Variants in SKOR2 observed in about 807,000 individuals in gnomAD.
SKOR2 encodes SKI family transcriptional corepressor 2.
A neutral mutation model predicts 69.1 loss-of-function variants in SKOR2; 47 were observed. That is an observed-to-expected ratio of 0.68 (90% CI 0.54 to 0.87). The LOEUF is 0.87. Ranked by LOEUF, SKOR2 falls within the 40% of genes least tolerant of loss-of-function variation. The pLI is 0.00. For synonymous variants in SKOR2, 717 were observed against 672.6 expected, an observed-to-expected ratio of 1.07 and a Z score of -1.02; for missense variants, 1,404 against 1,472.2, an observed-to-expected ratio of 0.95 and a Z score of 0.76.
intron 4 of SKOR2, among the ~76,000 whole-genome samples, chr18:47,239,651 A>AT (rs2064240355): frequency 6.6e-6 from 1 of 152,062 alleles, no homozygotes; most frequent in Non-Finnish European, 1.5e-5. Context: ...TTTCCTGGAC[A>AT]TTTTTTCATT....
At chr18:47,224,208 T>C (rs764260355) in intron 6 of SKOR2, among the ~76,000 whole-genome samples, 3 of 152,112 alleles carry the variant, frequency 2.0e-5, no homozygotes, top group African/African-American at 4.8e-5. Context: ...CGCCCGACCA[T>C]ATTTTTTCTA....
chr18:47,239,291 A>G (rs376965378), intron 4 of SKOR2, among the ~76,000 whole-genome samples: 360 of 152,138 alleles, frequency 2.4e-3, no homozygotes, highest in African/African-American at 3.2e-3. Flanking sequence ...TAAATTCTAC[A>G]TTGAATGACT....
intron 7 of SKOR2, among the ~76,000 whole-genome samples, chr18:47,217,095 A>G (rs2064146344): frequency 2.0e-5 from 3 of 152,210 alleles, no homozygotes; most frequent in South Asian, 2.1e-4. Flanking sequence ...TGCAGCCTCA[A>G]TTCTAAAGCA....
Position 47,249,153 on chromosome 18 carries a change from C to T in SKOR2, c.31G>A (p.Asp11Asn), listed in dbSNP as rs1398996754. ...CTCGACGGCGACGCCAGCAGGATGT[C>T]GTTGGGCCCTGGCAGCGGACTGGAA... MASSPLPGPN[D>N]ILLASPSSAF... Residue 11 changes from aspartate (D) to asparagine (N), a missense_variant, in exon 2 of 9, where the codon GAC (aspartate) becomes AAC (asparagine). By Grantham distance (23) the Asp-to-Asn change is conservative. This residue lies in a region of SKOR2 where 104 missense variants were observed against 95.7 expected (regional missense o/e 1.09). Transcript: ENST00000425639. The T allele has an allele frequency of 3.9e-6, 6 of 1,535,374 alleles. No individual in the cohort carries two copies. The highest frequency in any genetic ancestry group is 5.2e-6 in the Non-Finnish European group (6 of 1,146,554).
Position 47,247,425 on chromosome 18 carries a change from C to A in SKOR2, c.1759G>T (p.Ala587Ser). ...GCGGGGCCAGACCCGGCGGCCGCGG[C>A]CCCTGCCCCGGCAGCTGCCACAGAG... ...ADSVAAAGAG[A>S]AAAGSGPAGS... is the part of the protein sequence containing the mutation. Residue 587 changes from alanine (A) to serine (S), a missense_variant, in exon 2 of 9, where the codon GCC becomes TCC. Around this residue, in one of 3 missense-constraint regions of SKOR2, gnomAD observed 1,266 missense variants for 1,309.9 expected, o/e 0.97. Transcript: ENST00000425639. The surrounding 1 kb of genome is among the most constrained non-coding windows in gnomAD (Gnocchi z 6.6). The A allele has an allele frequency of 7.8e-7, 1 of 1,288,024 alleles. No individual in the cohort carries two copies. The highest frequency in any genetic ancestry group is 9.8e-7 in the Non-Finnish European group (1 of 1,020,158). The allele number at this position is 1,288,024 out of a possible 1,614,324, so 79.8% of individuals were successfully genotyped here. A position where few individuals can be genotyped will look rare whatever the true frequency, so the allele number is the denominator to read the frequency against.
chr18:47,213,175 C>G (rs1220365421), intron 7 of SKOR2, among the ~76,000 whole-genome samples: 1 of 151,804 alleles, frequency 6.6e-6, no homozygotes, highest in Admixed American at 6.6e-5. Context: ...TCCACTAACC[C>G]CCGTTAAGGT....
chr18:47,238,766 G>C (rs2064236484), intron 4 of SKOR2, among the ~76,000 whole-genome samples: 1 of 152,234 alleles, frequency 6.6e-6, no homozygotes, highest in South Asian at 2.1e-4. Flanking sequence ...TCATGTGCTA[G>C]CTGTGTCTGT....
chr18:47,215,532 G>A (rs1488261057), intron 7 of SKOR2, among the ~76,000 whole-genome samples: 1 of 152,078 alleles, frequency 6.6e-6, no homozygotes, highest in Non-Finnish European at 1.5e-5. Context: ...CAAAGATAAC[G>A]ACCTCTCACT....
At chr18:47,214,102 T>G (rs571023012) in intron 7 of SKOR2, among the ~76,000 whole-genome samples, 36 of 152,318 alleles carry the variant, frequency 2.4e-4, no homozygotes, top group African/African-American at 8.2e-4. Context: ...CACAAAGGTT[T>G]AGCCAGTGTC....
intron 5 of SKOR2, 100 bp from the exon 6 acceptor site, chr18:47,230,657 C>A: frequency 1.2e-6 from 1 of 824,782 alleles, no homozygotes; most frequent in Non-Finnish European, 1.7e-6. Flanking sequence ...AAATATTTTA[C>A]CAGTTTAAAA....
At chr18:47,232,984 G>C (rs2064205848) in intron 4 of SKOR2, among the ~76,000 whole-genome samples, 1 of 152,110 alleles carries the variant, frequency 6.6e-6, no homozygotes, top group African/African-American at 2.4e-5. Context: ...TTTTCAACAT[G>C]ATATTATCAA....
At chr18:47,240,888 C>G (rs2064245559) in intron 4 of SKOR2, among the ~76,000 whole-genome samples, 1 of 152,180 alleles carries the variant, frequency 6.6e-6, no homozygotes, top group Non-Finnish European at 1.5e-5. Flanking sequence ...ACCGACTTAT[C>G]AGGCAGTTTG....
At position 47,230,495 on chromosome 18, in the gene SKOR2, G is replaced by T; in HGVS notation, c.2881C>A (p.Gln961Lys). The T allele has an allele frequency of 6.9e-7, 1 of 1,450,222 alleles. No individual in the cohort carries two copies. Among genetic ancestry groups the T allele is most frequent in the Admixed American group, 2.7e-5 (1 of 36,808 alleles). The allele number at this position is 1,450,222 out of a possible 1,614,324, so 89.8% of individuals were successfully genotyped here. The change falls in exon 6 of 9, where the codon CAG becomes AAG. Residue 961 changes from glutamine to lysine, a missense_variant. Transcript: ENST00000425639. Reference protein sequence around the residue: ...DLRRRLEQEFQVLKGNTSFPV... With the variant: ...DLRRRLEQEFKVLKGNTSFPV... ...AAAGATGTGTTTCCTTTTAACACCT[G>T]GAATTCTTGTTCCAGTCGTCTCCGT... is the stretch of plus-strand genomic sequence containing the variant.
intron 6 of SKOR2, among the ~76,000 whole-genome samples, 164 bp downstream of exon 6, chr18:47,230,295 T>A (rs1451441910): frequency 6.6e-6 from 1 of 152,126 alleles, no homozygotes; most frequent in Non-Finnish European, 1.5e-5. Context: ...TGTGAGTCAA[T>A]TCAAAGCCTA....
At chr18:47,216,547 G>C (rs2064144525) in intron 7 of SKOR2, among the ~76,000 whole-genome samples, 1 of 152,036 alleles carries the variant, frequency 6.6e-6, no homozygotes, top group African/African-American at 2.4e-5. Flanking sequence ...TTTAACACGG[G>C]AAAAAGAAGC....
In SKOR2 at chr18:47,247,472, G is replaced by A. The variant is rs952896426; in HGVS notation, c.1712C>T (p.Ala571Val). Residue 571 changes from alanine (A) to valine (V), a missense_variant, in exon 2 of 9, where the codon GCG becomes GTG. By Grantham distance (64) the Ala-to-Val change is moderately conservative (BLOSUM62 0). Around this residue, in one of 3 missense-constraint regions of SKOR2, gnomAD observed 1,266 missense variants for 1,309.9 expected, o/e 0.97. Coordinates refer to ENST00000425639, the MANE Select transcript of SKOR2 (RefSeq NM_001278063.4). The surrounding 1 kb of genome is among the most constrained non-coding windows in gnomAD (Gnocchi z 6.6). The part of the protein sequence containing the change: ...PPGGSGGDCS[A>V]GSTPPADSVA... ...AGAGTCCGCGGGCGGCGTGGAGCCC[G>A]CGCTGCAGTCCCCGCCGCTGCCGCC... The A allele has an allele frequency of 4.9e-6, 6 of 1,222,860 alleles. No individual in the cohort carries two copies. The African/African-American group carries it at 9.5e-5, about 19-fold the overall frequency. 75.8% of individuals were successfully genotyped at this position (1,222,860 alleles called of 1,614,324 possible). A position where few individuals can be genotyped will look rare whatever the true frequency, so the allele number is the denominator to read the frequency against.
In SKOR2 at chr18:47,220,306, G is replaced by C. The variant is rs12327499; in HGVS notation, c.2918-296C>G. ...CACACAATCATGTTCTTTAACCTTTGCACACTTGTGCAAATCACAGGTATT... is the reference window on the plus strand; with the variant it reads ...CACACAATCATGTTCTTTAACCTTTCCACACTTGTGCAAATCACAGGTATT... On this transcript the variant is annotated intron_variant, in intron 6 of 8. Coordinates refer to ENST00000425639, the MANE Select transcript of SKOR2 (RefSeq NM_001278063.4). 8.3e-3 allele frequency among the ~76,000 whole-genome samples: 1,260 copies of C among 151,990 alleles called. 15 individuals are homozygous for C. Among genetic ancestry groups the C allele is most frequent in the African/African-American group, 0.029 (1,199 of 41,450 alleles).
chr18:47,247,452 C>G lies in SKOR2; in HGVS notation c.1732G>C (p.Asp578His). Residue 578 changes from aspartate to histidine, a missense_variant, in exon 2 of 9, where the codon GAC (aspartate) becomes CAC (histidine). By Grantham distance (81) the Asp-to-His change is moderately conservative. Transcript: ENST00000425639. This position sits in a 1 kb window ranked among gnomAD's most constrained non-coding sequence, Gnocchi z 6.6. ...CCTGCCCCGGCAGCTGCCACAGAGT[C>G]CGCGGGCGGCGTGGAGCCCGCGCTG... ...DCSAGSTPPA[D>H]SVAAAGAGAA... 1 of 1,240,976 alleles carries G rather than the reference C, an allele frequency of 8.1e-7. No individual in the cohort carries two copies. Among genetic ancestry groups the G allele is most frequent in the Non-Finnish European group, 1.0e-6 (1 of 993,530 alleles). 76.9% of individuals were successfully genotyped at this position (1,240,976 alleles called of 1,614,324 possible).
At chr18:47,219,867 C>G (rs1225881130) in intron 7 of SKOR2, 76 bp downstream of exon 7, 1 of 1,296,694 alleles carries the variant, frequency 7.7e-7, no homozygotes, top group Non-Finnish European at 1.1e-6. Context: ...AAAACGTGAA[C>G]AGTTTCATAC....
Sources: gnomAD v4.1 joint callset for allele counts (sites outside exome capture counted in the v4.1 genomes callset) on GRCh38, gnomAD v4.1.1 for gene constraint, gnomAD v4.1.1 regional missense constraint, Gnocchi (gnomAD v3.1) non-coding constraint, MANE v1.5 for transcripts, NCBI Gene and HGNC (gene_info 2026-07-23, HGNC 2026-07-21) for gene names.